PPFIA2: variants seen among roughly 807,000 people sequenced by gnomAD.
The protein encoded by PPFIA2 is liprin-alpha-2.
Under a neutral mutation model 175.5 loss-of-function variants are expected in PPFIA2, and 46 were observed. The observed-to-expected ratio is 0.26, with a 90% CI of 0.21 to 0.34. The LOEUF (loss-of-function observed/expected upper bound fraction) is 0.34. Ranked by LOEUF, PPFIA2 falls within the 10% of genes least tolerant of loss-of-function variation. The pLI is 1.00. For synonymous variants in PPFIA2, 568 were observed against 511.4 expected (o/e 1.11, Z -1.49); for missense variants, 1,179 against 1,506.1 (o/e 0.78, Z 3.60).
At chr12:81,411,636 C>G (rs1238519472) in intron 7 of PPFIA2, among the ~76,000 whole-genome samples, 1 of 152,068 alleles carries the variant, frequency 6.6e-6, no homozygotes, top group Admixed American at 6.6e-5. Context: ...AGACTCTCTT[C>G]TAGCTCCTTG....
chr12:81,348,434 A>C (rs1042069360), intron 17 of PPFIA2, among the ~76,000 whole-genome samples: 2 of 152,132 alleles, frequency 1.3e-5, no homozygotes, highest in Non-Finnish European at 2.9e-5. Context: ...AATAATGAAA[A>C]AGTAACTTGC....
intron 8 of PPFIA2, among the ~76,000 whole-genome samples, chr12:81,401,230 T>C (rs1305669770): frequency 1.3e-5 from 2 of 152,174 alleles, no homozygotes; most frequent in Admixed American, 1.3e-4. Context: ...AGGTTGCCAC[T>C]AAATATTTAT....
At chr12:81,285,657 G>T (rs2137227675) in intron 24 of PPFIA2, among the ~76,000 whole-genome samples, 1 of 152,160 alleles carries the variant, frequency 6.6e-6, no homozygotes, top group South Asian at 2.1e-4. Context: ...GTAGTGCAAT[G>T]CATTATTCAC....
intron 4 of PPFIA2, among the ~76,000 whole-genome samples, chr12:81,503,666 G>A (rs2060834055): frequency 6.7e-6 from 1 of 149,968 alleles, no homozygotes; most frequent in Non-Finnish European, 1.5e-5. Flanking sequence ...ATCTAGTTTT[G>A]TACAGTAATT....
chr12:81,413,397 A>G (rs1013857076), intron 7 of PPFIA2, among the ~76,000 whole-genome samples: 1 of 151,850 alleles, frequency 6.6e-6, no homozygotes, highest in Non-Finnish European at 1.5e-5. Context: ...AAATGTTCAT[A>G]TTATAGGCTT....
intron 4 of PPFIA2, among the ~76,000 whole-genome samples, chr12:81,657,084 C>A (rs2067907964): frequency 6.6e-6 from 1 of 152,090 alleles, no homozygotes; most frequent in Admixed American, 6.6e-5. Flanking sequence ...TAATGTTTCC[C>A]TGACTGTAAG....
At chr12:81,466,820 C>T (rs1018434777) in intron 4 of PPFIA2, among the ~76,000 whole-genome samples, 1 of 150,514 alleles carries the variant, frequency 6.6e-6, no homozygotes, top group Non-Finnish European at 1.5e-5. Flanking sequence ...GGGCCCTAGT[C>T]ACATTTGTCT....
chr12:81,652,585 C>A (rs1265068771), intron 4 of PPFIA2, among the ~76,000 whole-genome samples: 1 of 151,998 alleles, frequency 6.6e-6, no homozygotes, highest in African/African-American at 2.4e-5. Flanking sequence ...TGGTTCCCCA[C>A]CTCCCCGTCT....
chr12:81,713,474 T>C (rs535309063), intron 3 of PPFIA2, among the ~76,000 whole-genome samples: 3 of 151,284 alleles, frequency 2.0e-5, no homozygotes, highest in African/African-American at 7.2e-5. Context: ...GTTGTTTCTG[T>C]ATATGAAAAA....
At chr12:81,376,412 C>T (rs1460348139) in intron 9 of PPFIA2, among the ~76,000 whole-genome samples, 1 of 136,502 alleles carries the variant, frequency 7.3e-6, no homozygotes, top group Non-Finnish European at 1.5e-5. Context: ...GTTAAAAGGC[C>T]AGGCCAAAAA....
intron 4 of PPFIA2, among the ~76,000 whole-genome samples, chr12:81,488,416 G>C (rs2059075043): frequency 6.6e-6 from 1 of 151,288 alleles, no homozygotes; most frequent in Non-Finnish European, 1.5e-5. Context: ...TTTCACTGAA[G>C]TTACCCCCAA....
Position 81,562,846 on chromosome 12 carries a change from CAAAAAAAAAAA to C in PPFIA2, c.304-104991_304-104981del, listed in dbSNP as rs11475809. ...TGGGCGACAGAGCGAGACTCTGTCT[CAAAAAAAAAAA>C]AAAAAAAAAAAAAAAAAAGAGAGAG... is the stretch of plus-strand genomic sequence containing the variant. On this transcript the variant is annotated intron_variant, in intron 4 of 32. Transcript: ENST00000549396. Among the ~76,000 whole-genome samples, 24 of 29,588 alleles carry C rather than the reference CAAAAAAAAAAA, an allele frequency of 8.1e-4. 1 individual carries two copies. Among genetic ancestry groups the C allele is most frequent in the Admixed American group, 2.8e-3 (5 of 1,796 alleles). The allele number at this position is 29,588 out of a possible 152,430, so 19.4% of individuals were successfully genotyped here. A position where few individuals can be genotyped will look rare whatever the true frequency, so the allele number is the denominator to read the frequency against.
At chr12:81,642,672 C>CATA (rs1567685983) in intron 4 of PPFIA2, among the ~76,000 whole-genome samples, 942 of 64,834 alleles carry the variant, frequency 0.015, 305 homozygotes, top group Non-Finnish European at 0.025. Flanking sequence ...TATATACATA[C>CATA]ATGTATGTAT....
chr12:81,623,156 C>A (rs1425301017), intron 4 of PPFIA2, among the ~76,000 whole-genome samples: 1 of 151,986 alleles, frequency 6.6e-6, no homozygotes, highest in Non-Finnish European at 1.5e-5. Flanking sequence ...TGATATGTAT[C>A]TATTTTAATC....
chr12:81,258,204 C>CTGAT lies in PPFIA2; in HGVS notation c.*1486_*1489dup. 6.6e-6 allele frequency: 1 copy of CTGAT among 152,174 alleles called. No homozygotes were observed. Among genetic ancestry groups the CTGAT allele is most frequent in the Non-Finnish European group, 1.5e-5 (1 of 68,000 alleles). 9.4% of individuals were successfully genotyped at this position (152,174 alleles called of 1,614,324 possible). Reference sequence around the variant, plus strand: ...TTGGGTCACCCAAAGAACACATTTCCTGATAGTTTAAGTAAATTGTCGAGC... The same window carrying CTGAT: ...TTGGGTCACCCAAAGAACACATTTCCTGATTGATAGTTTAAGTAAATTGTCGAGC... On this transcript the variant is annotated 3_prime_UTR_variant, in exon 33 of 33. Coordinates refer to ENST00000549396, the MANE Select transcript of PPFIA2 (RefSeq NM_003625.5).
chr12:81,512,819 TTCACTTAGAATAA>T (rs2045297732), intron 4 of PPFIA2, among the ~76,000 whole-genome samples: 1 of 152,142 alleles, frequency 6.6e-6, no homozygotes, highest in African/African-American at 2.4e-5. Flanking sequence ...CCTGATTTAC[TTCACTTAGAATAA>T]TCACCTTCAG....
intron 4 of PPFIA2, among the ~76,000 whole-genome samples, chr12:81,673,052 C>T (rs965053028): frequency 3.9e-5 from 6 of 151,942 alleles, no homozygotes; most frequent in Non-Finnish European, 5.9e-5. Context: ...AAACTTAACT[C>T]GTATGGCCAA....
intron 21 of PPFIA2, among the ~76,000 whole-genome samples, chr12:81,335,580 C>T (rs970835227): frequency 6.6e-6 from 1 of 151,992 alleles, no homozygotes; most frequent in African/African-American, 2.4e-5. Flanking sequence ...CCCATCTCTA[C>T]TGTAAATACA....
chr12:81,351,985 T>C (rs2060092692), intron 17 of PPFIA2, among the ~76,000 whole-genome samples: 1 of 152,078 alleles, frequency 6.6e-6, no homozygotes, highest in South Asian at 2.1e-4. Context: ...TAGTAATATG[T>C]TTGGTTTATC....
Sources: gnomAD v4.1 joint callset for allele counts (sites outside exome capture counted in the v4.1 genomes callset) on GRCh38, gnomAD v4.1.1 for gene constraint, MANE v1.5 for transcripts, NCBI Gene and HGNC (gene_info 2026-07-23, HGNC 2026-07-21) for gene names.